DYNC1LI1: variants seen among roughly 807,000 people sequenced by gnomAD.
DYNC1LI1 encodes the protein cytoplasmic dynein 1 light intermediate chain 1.
In DYNC1LI1, 19 loss-of-function variants were observed where a neutral mutation model predicts 63.8. That is an observed-to-expected ratio of 0.30 (90% confidence interval 0.21 to 0.44). DYNC1LI1 has a LOEUF of 0.44. Ranked by LOEUF, DYNC1LI1 falls within the 20% of genes least tolerant of loss-of-function variation. The probability of loss-of-function intolerance (pLI) is 1.00; values close to 1 mark genes in which losing one functional copy is unlikely to be tolerated. For synonymous variants in DYNC1LI1, 225 were observed against 232.3 expected (o/e 0.97, Z 0.28); for missense variants, 565 against 630.2 (o/e 0.90, Z 1.11).
At chr3:32,560,752 C>T (rs1177242158) in intron 2 of DYNC1LI1, among the ~76,000 whole-genome samples, 1 of 151,766 alleles carries the variant, frequency 6.6e-6, no homozygotes, top group African/African-American at 2.4e-5. Flanking sequence ...GCCTGTAATC[C>T]CAGCACTTTG....
rs1303528997 is a variant in DYNC1LI1, at chr3:32,528,336, C to T, written c.1462+110G>A. The T allele has an allele frequency of 9.5e-6, 12 of 1,268,240 alleles. No individual in the cohort carries two copies. The South Asian group carries it at 1.3e-4, about 14-fold the overall frequency. 78.6% of individuals were successfully genotyped at this position (1,268,240 alleles called of 1,614,324 possible). On this transcript the variant is annotated intron_variant, in intron 12 of 12. Coordinates refer to ENST00000273130, the MANE Select transcript of DYNC1LI1 (RefSeq NM_016141.4). ...CAGATTATGGTGATGGCCTGCCCAA[C>T]TTAGCAAAGATACCAAAACCACAGA...
At chr3:32,546,076 C>T (rs1697948217) in intron 2 of DYNC1LI1, 111 bp from the exon 3 acceptor site, 2 of 680,182 alleles carry the variant, frequency 2.9e-6, no homozygotes, top group East Asian at 2.8e-5. Flanking sequence ...ACCAAAAAGG[C>T]AATTTGATGA....
intron 2 of DYNC1LI1, among the ~76,000 whole-genome samples, chr3:32,546,959 A>G (rs895888947): frequency 6.6e-6 from 1 of 152,184 alleles, no homozygotes; most frequent in African/African-American, 2.4e-5. Flanking sequence ...AACTAGGCTA[A>G]CTAGGCCAGG....
intron 2 of DYNC1LI1, among the ~76,000 whole-genome samples, chr3:32,548,737 AGATTT>A (rs901097593): frequency 1.3e-5 from 2 of 152,232 alleles, no homozygotes; most frequent in Non-Finnish European, 2.9e-5. Flanking sequence ...CCAAGAGATT[AGATTT>A]AAGTGTTCTC....
intron 4 of DYNC1LI1, among the ~76,000 whole-genome samples, chr3:32,541,680 C>G (rs1697884157): frequency 6.6e-6 from 1 of 152,198 alleles, no homozygotes. Flanking sequence ...CATGCTCATT[C>G]TGTAACTCTG....
At chr3:32,570,569 C>T (rs79383135) in intron 1 of DYNC1LI1, 56 bp downstream of exon 1, 37,248 of 1,531,032 alleles carry the variant, frequency 0.024, 553 homozygotes, top group East Asian at 0.052. Context: ...GATCCCGAGG[C>T]GTCCGCGCAA....
rs570271991 is a variant in DYNC1LI1, at chr3:32,570,749, C to A, written c.22G>T (p.Gly8Cys). 1.9e-5 allele frequency: 30 copies of A among 1,605,112 alleles called. No individual in the cohort carries two copies. In the South Asian group the frequency reaches 3.2e-4, roughly 17 times the overall value. ...CCCGGCGGAGAAGAACCGAAGGAGC[C>A]GACTCGCCCCACGGCCGCCATCTTG... Reference protein sequence around the residue: MAAVGRVGSFGSSPPGLS... With the variant: MAAVGRVCSFGSSPPGLS... The change falls in exon 1 of 13, where the codon GGC becomes TGC. Residue 8 changes from glycine (G) to cysteine (C), a missense_variant. Physicochemically the swap from Gly to Cys is radical, Grantham distance 159. Transcript: ENST00000273130.
rs545728045 is a variant in DYNC1LI1 at position 32,546,956 on chromosome 3, C to T, written c.221-991G>A. Among the ~76,000 whole-genome samples the T allele has an allele frequency of 2.6e-5, 4 of 152,176 alleles. No homozygotes were observed. In the South Asian group the frequency reaches 8.3e-4, roughly 32 times the overall value. ...TTTTTTAAAAAGGTTTAAAACTAGGCTAACTAGGCCAGGCGCGGTGGCTCA... is the reference window on the plus strand; with the variant it reads ...TTTTTTAAAAAGGTTTAAAACTAGGTTAACTAGGCCAGGCGCGGTGGCTCA... On this transcript the variant is annotated intron_variant, in intron 2 of 12. Transcript: ENST00000273130.
At chr3:32,531,650 C>A (rs572402443) in intron 8 of DYNC1LI1, 1 of 152,162 alleles carries the variant, frequency 6.6e-6, no homozygotes, top group South Asian at 2.1e-4. Flanking sequence ...CCAAATACCA[C>A]ACCAACTGAT....
intron 2 of DYNC1LI1, among the ~76,000 whole-genome samples, chr3:32,569,964 T>C (rs763097122): frequency 3.9e-5 from 6 of 152,262 alleles, no homozygotes; most frequent in Admixed American, 1.3e-4. Context: ...GCATGCCATT[T>C]GCGCTGCAGC....
Position 32,541,079 on chromosome 3 carries a change from A to G in DYNC1LI1, c.696T>C (p.Leu232=), listed in dbSNP as rs946496607. Residue 232 remains leucine, a synonymous_variant, in exon 5 of 13, where the codon CTT becomes CTC. Coordinates refer to ENST00000273130, the MANE Select transcript of DYNC1LI1 (RefSeq NM_016141.4). ...GTACTGGAATGCCCAAGTTATGTGTAAGTGTATCCGCACCCAGAGGTAAAA... is the reference window on the plus strand; with the variant it reads ...GTACTGGAATGCCCAAGTTATGTGTGAGTGTATCCGCACCCAGAGGTAAAA... The part of the protein sequence containing the change: ...SVVLPLGADT[L]THNLGIPVLV... 5 of 1,613,544 alleles carry G rather than the reference A, an allele frequency of 3.1e-6. No homozygotes were observed. Among genetic ancestry groups the G allele is most frequent in the Non-Finnish European group, 3.4e-6 (4 of 1,179,824 alleles).
intron 5 of DYNC1LI1, among the ~76,000 whole-genome samples, chr3:32,537,983 ATATATATATATAAT>A (rs1697811796): frequency 1.7e-4 from 4 of 23,422 alleles, no homozygotes; most frequent in African/African-American, 8.4e-4. Context: ...TTTATATATA[ATATATATATATAAT>A]TTATATATAT....
intron 5 of DYNC1LI1, 122 bp from the exon 6 acceptor site, chr3:32,537,226 G>C: frequency 3.9e-6 from 2 of 510,466 alleles, no homozygotes; most frequent in South Asian, 7.6e-5. Flanking sequence ...TATGGTGAAT[G>C]AACAGCAGGA....
chr3:32,537,951 TTA>T lies in DYNC1LI1; in HGVS notation c.739-849_739-848del, dbSNP rs1205638276. On this transcript the variant is annotated intron_variant, in intron 5 of 12. Coordinates refer to ENST00000273130, the MANE Select transcript of DYNC1LI1 (RefSeq NM_016141.4). ...AATATATATATAATATATATATAAT[TTA>T]TATATATAATATATATATATTTATA... 6.3e-3 allele frequency among the ~76,000 whole-genome samples: 28 copies of T among 4,422 alleles called. 1 individual carries two copies. The highest frequency in any genetic ancestry group is 0.024 in the East Asian group (1 of 42). The allele number at this position is 4,422 out of a possible 152,430, so 2.9% of individuals were successfully genotyped here. A position where few individuals can be genotyped will look rare whatever the true frequency, so the allele number is the denominator to read the frequency against.
At chr3:32,538,018 TATAATTTATATA>T in intron 5 of DYNC1LI1, among the ~76,000 whole-genome samples, 1 of 26,960 alleles carries the variant, frequency 3.7e-5, no homozygotes, top group South Asian at 1.4e-3. Flanking sequence ...AATATATATA[TATAATTTATATA>T]TATAATATAT....
At chr3:32,532,847 A>G in intron 8 of DYNC1LI1, 139 bp downstream of exon 8, 1 of 1,350,066 alleles carries the variant, frequency 7.4e-7, no homozygotes, top group Non-Finnish European at 9.5e-7. Context: ...TGTACATTAG[A>G]AACACACCAA....
At chr3:32,543,741 G>A (rs1450548112) in intron 4 of DYNC1LI1, among the ~76,000 whole-genome samples, 1 of 150,722 alleles carries the variant, frequency 6.6e-6, no homozygotes, top group African/African-American at 2.4e-5. Flanking sequence ...CACAATATTG[G>A]CAAATGAAGA....
intron 10 of DYNC1LI1, 48 bp downstream of exon 10, chr3:32,530,236 T>A: frequency 6.8e-7 from 1 of 1,459,944 alleles, no homozygotes. Flanking sequence ...ATAACTAAAA[T>A]AATATGTACT....
intron 6 of DYNC1LI1, among the ~76,000 whole-genome samples, chr3:32,534,949 G>T (rs1281737541): frequency 6.6e-6 from 1 of 152,172 alleles, no homozygotes; most frequent in African/African-American, 2.4e-5. Flanking sequence ...TAAAGCACAT[G>T]AAAGGACAAT....
Sources: allele counts gnomAD v4.1 joint callset (sites outside exome capture counted in the v4.1 genomes callset), GRCh38; gene constraint gnomAD v4.1.1; transcripts MANE v1.5; gene names NCBI Gene and HGNC (gene_info 2026-07-23, HGNC 2026-07-21).